The following PCDHGB1 variants were observed in gnomAD, a reference collection of about 807,000 sequenced individuals.
PCDHGB1 encodes protocadherin gamma subfamily B, 1, also known as protocadherin gamma-B1.
In PCDHGB1, 34 loss-of-function variants were observed where a neutral mutation model predicts 56.6. The ratio of observed to expected loss-of-function variants is 0.60; its 90% CI spans 0.46 to 0.80. PCDHGB1 has a LOEUF of 0.80. Ranked by LOEUF, PCDHGB1 falls within the 30% of genes least tolerant of loss-of-function variation. The probability of loss-of-function intolerance (pLI) is 0.00; values close to 1 mark genes in which losing one functional copy is unlikely to be tolerated. For synonymous variants in PCDHGB1, 561 were observed against 505.9 expected (o/e 1.11, Z -1.46); for missense variants, 1,278 against 1,204.6 (o/e 1.06, Z -0.90).
chr5:141,389,339 C>G, intron 1 of PCDHGB1: 2 of 1,614,010 alleles, frequency 1.2e-6, no homozygotes, highest in Middle Eastern at 1.6e-4. Flanking sequence ...ACGGCCAAGT[C>G]TCTTACTGCA....
At chr5:141,394,028 G>A (rs758413971) in intron 1 of PCDHGB1, 1 of 1,613,454 alleles carries the variant, frequency 6.2e-7, no homozygotes, top group Admixed American at 1.7e-5. Flanking sequence ...ATAGATTAGT[G>A]ACAAGGAAAT....
In PCDHGB1 at chr5:141,510,989, C is replaced by A. The variant is rs2099883548; in HGVS notation, c.2600C>A (p.Thr867Asn). The A allele has an allele frequency of 1.2e-6, 2 of 1,614,198 alleles. No homozygotes were observed. The highest frequency in any genetic ancestry group is 1.7e-6 in the Non-Finnish European group (2 of 1,180,022). ...TCCACCCTGGGAGGGGGTGCCGGCA[C>A]CATGGGATTGAGCGCCCGCTACGGA... is the stretch of plus-strand genomic sequence containing the variant. ...GSSTLGGGAG[T>N]MGLSARYGPQ... Residue 867 changes from threonine to asparagine, a missense_variant, in exon 4 of 4, where the codon ACC becomes AAC. Thr to Asn is a moderately conservative substitution (Grantham distance 65, BLOSUM62 0). Transcript: ENST00000523390.
chr5:141,477,564 A>T lies in PCDHGB1; in HGVS notation c.2410-17243A>T. 2 of 1,613,924 alleles carry T rather than the reference A, an allele frequency of 1.2e-6. No individual in the cohort carries two copies. The highest frequency in any genetic ancestry group is 1.7e-6 in the Non-Finnish European group (2 of 1,179,980). On this transcript the variant is annotated intron_variant, in intron 1 of 3. Coordinates refer to ENST00000523390, the MANE Select transcript of PCDHGB1 (RefSeq NM_018922.3). The surrounding 1 kb of genome is among the most constrained non-coding windows in gnomAD (Gnocchi z 4.9). ...CCAATACTAAACCTAAGTGTCTGGG[A>T]CCCCGACGCCCCGCAGAATGCTCGG... is the stretch of plus-strand genomic sequence containing the variant.
At chr5:141,400,411 T>G in intron 1 of PCDHGB1, 1 of 1,614,062 alleles carries the variant, frequency 6.2e-7, no homozygotes, top group Non-Finnish European at 8.5e-7. Flanking sequence ...GGAGTTTAAT[T>G]TCCTAAAATG....
intron 1 of PCDHGB1, chr5:141,441,758 C>T: frequency 2.6e-6 from 1 of 382,050 alleles, no homozygotes. Context: ...TCAACGTGAG[C>T]CTGCGCGTGT....
chr5:141,400,292 G>T, intron 1 of PCDHGB1: 1 of 1,614,078 alleles, frequency 6.2e-7, no homozygotes, highest in South Asian at 1.1e-5. Flanking sequence ...GCCTGGAGCT[G>T]CTTCCAACCT....
At chr5:141,495,278 C>A (rs2099760057) in intron 2 of PCDHGB1, among the ~76,000 whole-genome samples, 1 of 152,174 alleles carries the variant, frequency 6.6e-6, no homozygotes, top group Non-Finnish European at 1.5e-5. Context: ...CCGGAGGAGG[C>A]GGTCCGCACT....
chr5:141,421,749 C>T, intron 1 of PCDHGB1: 1 of 1,613,918 alleles, frequency 6.2e-7, no homozygotes, highest in Non-Finnish European at 8.5e-7. Flanking sequence ...ACCAGCTCAG[C>T]CCTAATAATT....
At chr5:141,447,011 C>T (rs1213312322) in intron 1 of PCDHGB1, among the ~76,000 whole-genome samples, 1 of 143,918 alleles carries the variant, frequency 6.9e-6, no homozygotes. Flanking sequence ...TCCTAGTGTT[C>T]AGTTTTGTTT....
intron 1 of PCDHGB1, among the ~76,000 whole-genome samples, chr5:141,382,107 C>T (rs1777954814): frequency 6.6e-6 from 1 of 152,002 alleles, no homozygotes; most frequent in Non-Finnish European, 1.5e-5. Flanking sequence ...GGATTACAGG[C>T]GTGAGCAACA....
intron 1 of PCDHGB1, chr5:141,385,540 G>T: frequency 1.5e-6 from 2 of 1,323,840 alleles, no homozygotes; most frequent in Non-Finnish European, 1.9e-6. Context: ...ATGAATATGT[G>T]GACTATCACA....
Position 141,491,445 on chromosome 5 carries a change from C to G in PCDHGB1, c.2410-3362C>G. ...GAGGGCAGTGCTGCAGGCGCCAGGACTCACCCTCCCCGGACTTCTATAAGC... is the reference window on the plus strand; with the variant it reads ...GAGGGCAGTGCTGCAGGCGCCAGGAGTCACCCTCCCCGGACTTCTATAAGC... On this transcript the variant is annotated intron_variant, in intron 1 of 3. Coordinates refer to ENST00000523390, the MANE Select transcript of PCDHGB1 (RefSeq NM_018922.3). This position sits in a 1 kb window ranked among gnomAD's most constrained non-coding sequence, Gnocchi z 6.9. 6.2e-7 allele frequency: 1 copy of G among 1,614,112 alleles called. No individual in the cohort carries two copies. Among genetic ancestry groups the G allele is most frequent in the Non-Finnish European group, 8.5e-7 (1 of 1,180,032 alleles).
At position 141,352,444 on chromosome 5, in the gene PCDHGB1, C is replaced by T. The variant is rs562202552; in HGVS notation, c.2184C>T (p.Cys728=). ...AGGGCTGCTTTCAAACCGGTCTCTG[C>T]TCCAAGTCTGGGCCCGGGGTTCCTC... ...DTEGCFQTGL[C]SKSGPGVPPN... The change falls in exon 1 of 4, where the codon TGC becomes TGT. Residue 728 remains cysteine (C), a synonymous_variant. Coordinates refer to ENST00000523390, the MANE Select transcript of PCDHGB1 (RefSeq NM_018922.3). 1 of 1,614,062 alleles carries T rather than the reference C, an allele frequency of 6.2e-7. No individual in the cohort carries two copies. Among genetic ancestry groups the T allele is most frequent in the Non-Finnish European group, 8.5e-7 (1 of 1,179,900 alleles).
In PCDHGB1 at chr5:141,471,825, A is replaced by G. The variant is rs150400990; in HGVS notation, c.2410-22982A>G. Among the ~76,000 whole-genome samples, 61 of 152,344 alleles carry G rather than the reference A, an allele frequency of 4.0e-4. No individual in the cohort carries two copies. In the East Asian group the frequency reaches 0.011, roughly 27 times the overall value. ...ACATATAAAAGACTACCTATTTTAT[A>G]ATTCCTTTTTAATAAAATATTCAGA... On this transcript the variant is annotated intron_variant, in intron 1 of 3. Coordinates refer to ENST00000523390, the MANE Select transcript of PCDHGB1 (RefSeq NM_018922.3).
At chr5:141,499,168 C>T (rs1169979036) in intron 2 of PCDHGB1, among the ~76,000 whole-genome samples, 3 of 152,184 alleles carry the variant, frequency 2.0e-5, no homozygotes, top group African/African-American at 7.2e-5. Context: ...GTCTCAAGCT[C>T]TGAGCCCAGC....
At chr5:141,506,119 G>T (rs1171566108) in intron 3 of PCDHGB1, among the ~76,000 whole-genome samples, 1 of 152,106 alleles carries the variant, frequency 6.6e-6, no homozygotes, top group African/African-American at 2.4e-5. Context: ...AGTCACTAGG[G>T]CCCAGAGCAG....
chr5:141,367,025 G>T, intron 1 of PCDHGB1: 2 of 394,068 alleles, frequency 5.1e-6, no homozygotes, highest in Non-Finnish European at 9.0e-6. Context: ...TTGTTATATT[G>T]GAACTGCAGT....
chr5:141,424,797 C>G (rs1262781875), intron 1 of PCDHGB1: 1 of 151,908 alleles, frequency 6.6e-6, no homozygotes, highest in Non-Finnish European at 1.5e-5. Flanking sequence ...TTATTCAGAC[C>G]AACTTGTTAT....
intron 1 of PCDHGB1, chr5:141,371,983 T>C (rs1411843900): frequency 2.5e-6 from 4 of 1,613,106 alleles, no homozygotes; most frequent in Non-Finnish European, 3.4e-6. Flanking sequence ...GCCTTCGAGC[T>C]CACTCTGCAG....
Sources: allele counts gnomAD v4.1 joint callset (sites outside exome capture counted in the v4.1 genomes callset), GRCh38; gene constraint gnomAD v4.1.1; non-coding constraint Gnocchi (gnomAD v3.1); transcripts MANE v1.5; gene names NCBI Gene and HGNC (gene_info 2026-07-23, HGNC 2026-07-21).